ITGA5: variants seen among roughly 807,000 people sequenced by gnomAD.
ITGA5 encodes integrin alpha-5.
Under a neutral mutation model 146.3 loss-of-function variants are expected in ITGA5, and 55 were observed. That is an observed-to-expected ratio of 0.38 (90% CI 0.30 to 0.47). The LOEUF is 0.47. Ranked by LOEUF, ITGA5 falls within the 20% of genes least tolerant of loss-of-function variation. The pLI is 0.99. For missense variants in ITGA5, 1,131 were observed against 1,329.0 expected (o/e 0.85, Z 2.32); for synonymous variants, 500 against 531.8 (o/e 0.94, Z 0.82).
rs777032025 is a variant in ITGA5, at chr12:54,405,162, T to C, written c.1225+4A>G. 1 of 1,587,816 alleles carries C rather than the reference T, an allele frequency of 6.3e-7. No homozygotes were observed. The highest frequency in any genetic ancestry group is 8.6e-7 in the Non-Finnish European group (1 of 1,163,840). On this transcript the variant is annotated splice_donor_region_variant and intron_variant, in intron 12 of 29. Transcript: ENST00000293379. ...CTTTCACTCTCTGAGCCCATGGTAC[T>C]CACCATTGTAGCCATCCTGGTCCAG...
intron 1 of ITGA5, among the ~76,000 whole-genome samples, chr12:54,418,706 G>A (rs909202183): frequency 4.0e-5 from 6 of 150,866 alleles, no homozygotes; most frequent in Non-Finnish European, 4.4e-5. Context: ...TTGGCCCGGA[G>A]ACCCCTGCCC....
intron 27 of ITGA5, 123 bp from the exon 28 acceptor site, chr12:54,398,821 C>CAA: frequency 4.2e-6 from 2 of 476,926 alleles, no homozygotes; most frequent in Non-Finnish European, 7.2e-6. Context: ...CTGAGTCTCT[C>CAA]TCTCTCTCTC....
rs201887725 is a variant in ITGA5, at chr12:54,401,822, G to T, written c.2260C>A (p.Leu754Ile). ...WGGLRFTVPH[L>I]RDTKKTIQFD... ...TGGATGGTTTTCTTAGTGTCCCGGA[G>T]ATGAGGGACTGTAAACCGAAGGCCA... The change falls in exon 22 of 30, where the codon CTC (leucine) becomes ATC (isoleucine). Residue 754 changes from leucine (L) to isoleucine (I), a missense_variant. By Grantham distance (5) the Leu-to-Ile change is conservative. Coordinates refer to ENST00000293379, the MANE Select transcript of ITGA5 (RefSeq NM_002205.5). This position sits in a 1 kb window ranked among gnomAD's most constrained non-coding sequence, Gnocchi z 5.0. 1.3e-5 allele frequency: 21 copies of T among 1,614,032 alleles called. No homozygotes were observed. The African/African-American group carries it at 1.6e-4, about 12-fold the overall frequency.
chr12:54,409,058 G>T lies in ITGA5; in HGVS notation c.584-104C>A. On this transcript the variant is annotated intron_variant, in intron 4 of 29. Transcript: ENST00000293379. This position sits in a 1 kb window ranked among gnomAD's most constrained non-coding sequence, Gnocchi z 4.7. Reference sequence around the variant, plus strand: ...GGTGGGAGAGAGAACCAGAGAAAGGGCCTTCCTGGACCAGACAGTAAGCAT... The same window carrying T: ...GGTGGGAGAGAGAACCAGAGAAAGGTCCTTCCTGGACCAGACAGTAAGCAT... 1 of 1,418,762 alleles carries T rather than the reference G, an allele frequency of 7.0e-7. No individual in the cohort carries two copies. The highest frequency in any genetic ancestry group is 9.8e-7 in the Non-Finnish European group (1 of 1,015,356). The allele number at this position is 1,418,762 out of a possible 1,614,324, so 87.9% of individuals were successfully genotyped here. A position where few individuals can be genotyped will look rare whatever the true frequency, so the allele number is the denominator to read the frequency against.
At position 54,404,895 on chromosome 12, in the gene ITGA5, C is replaced by G; in HGVS notation, c.1226-1G>C. Reference sequence around the variant, plus strand: ...CCAAAGGGAGCCCCGATGGCCACATCTGGAAGACACAGAACACACACTAGT... The same window carrying G: ...CCAAAGGGAGCCCCGATGGCCACATGTGGAAGACACAGAACACACACTAGT... On this transcript the variant is annotated splice_acceptor_variant, in intron 12 of 29. Coordinates refer to ENST00000293379, the MANE Select transcript of ITGA5 (RefSeq NM_002205.5). LOFTEE classifies it high-confidence loss of function. 1 of 1,565,488 alleles carries G rather than the reference C, an allele frequency of 6.4e-7. No individual in the cohort carries two copies. The highest frequency in any genetic ancestry group is 8.6e-7 in the Non-Finnish European group (1 of 1,159,592).
intron 1 of ITGA5, among the ~76,000 whole-genome samples, chr12:54,417,092 T>TTGGGAGTCTCTTGGGAG (rs1417514396): frequency 1.3e-5 from 2 of 151,702 alleles, no homozygotes; most frequent in Admixed American, 1.3e-4. Flanking sequence ...GCTGGACACC[T>TTGGGAGTCTCTTGGGAG]GGGTTCTCTT....
chr12:54,405,268 T>C lies in ITGA5; in HGVS notation c.1123A>G (p.Ile375Val), dbSNP rs767394205. 7 of 1,613,980 alleles carry C rather than the reference T, an allele frequency of 4.3e-6. No homozygotes were observed. The highest frequency in any genetic ancestry group is 1.7e-4 in the Middle Eastern group (1 of 6,056). Reference protein sequence around the residue: ...VYVYLQHPAGIEPTPTLTLTG... With the variant: ...VYVYLQHPAGVEPTPTLTLTG... ...AGGGTAAGGGTGGGCGTGGGCTCTA[T>C]GCCGGCTGGGTGCTGCAGGTAGACG... Residue 375 changes from isoleucine to valine, a missense_variant, in exon 12 of 30, where the codon ATA becomes GTA. Around this residue, in one of 3 missense-constraint regions of ITGA5, gnomAD observed 889 missense variants for 1,021.5 expected, o/e 0.87. Coordinates refer to ENST00000293379, the MANE Select transcript of ITGA5 (RefSeq NM_002205.5).
In ITGA5 at chr12:54,397,415, T is replaced by C; in HGVS notation, c.3016A>G (p.Ile1006Val). 1 of 1,614,080 alleles carries C rather than the reference T, an allele frequency of 6.2e-7. No individual in the cohort carries two copies. Among genetic ancestry groups the C allele is most frequent in the Non-Finnish European group, 8.5e-7 (1 of 1,179,988 alleles). ...GVPLWIIILA[I>V]LFGLLLLGLL... ...CCTAGGAGCAGGAGGCCAAACAGGA[T>C]GGCTAGGATGATGATCCACAGTGGG... is the stretch of plus-strand genomic sequence containing the variant. The change falls in exon 29 of 30, where the codon ATC becomes GTC. Residue 1006 changes from isoleucine to valine, a missense_variant. Coordinates refer to ENST00000293379, the MANE Select transcript of ITGA5 (RefSeq NM_002205.5).
chr12:54,404,045 C>A, intron 15 of ITGA5, 79 bp from the exon 16 acceptor site: 2 of 1,575,046 alleles, frequency 1.3e-6, no homozygotes, highest in Non-Finnish European at 8.7e-7. Flanking sequence ...CCAGCCAGAC[C>A]CAGACTAGGA....
chr12:54,412,049 G>T, intron 1 of ITGA5, 85 bp from the exon 2 acceptor site: 1 of 1,087,466 alleles, frequency 9.2e-7, no homozygotes. Context: ...AGGCCTCTAG[G>T]CTGGGGCTGG....
At chr12:54,418,213 A>C in intron 1 of ITGA5, among the ~76,000 whole-genome samples, 1 of 145,698 alleles carries the variant, frequency 6.9e-6, no homozygotes. Context: ...ACCCCCCTTC[A>C]CGCGCGCACA....
rs1361243309 is a variant in ITGA5 at position 54,416,740 on chromosome 12, C to G, written c.218+2241G>C. ...AGGCTCCAAGAGCTTAAATACCTCT[C>G]CCTAGGTACTAGGGTACCACGCAAA... On this transcript the variant is annotated intron_variant, in intron 1 of 29. Transcript: ENST00000293379. This position sits in a 1 kb window ranked among gnomAD's most constrained non-coding sequence, Gnocchi z 4.1. 1.3e-5 allele frequency among the ~76,000 whole-genome samples: 2 copies of G among 152,244 alleles called. No individual in the cohort carries two copies. The highest frequency in any genetic ancestry group is 2.9e-5 in the Non-Finnish European group (2 of 68,044).
rs1391920482 is a variant in ITGA5, at chr12:54,399,874, G to C, written c.2717C>G (p.Pro906Arg). The change falls in exon 26 of 30, where the codon CCT (proline) becomes CGT (arginine). Residue 906 changes from proline to arginine, a missense_variant. Pro to Arg is a moderately radical substitution (Grantham distance 103, BLOSUM62 -2). This residue lies in a region of ITGA5 where 889 missense variants were observed against 1,021.5 expected (regional missense o/e 0.87). Transcript: ENST00000293379. ...APSRSSASSGPQILKCPEAEC... is the reference protein window; with the variant it reads ...APSRSSASSGRQILKCPEAEC... ...CCCTGCCTGACTTACCAGGATCTGA[G>C]GTCCCGAGGAAGCAGAGCTGCGGCT... 1.9e-6 allele frequency: 3 copies of C among 1,613,988 alleles called. No individual in the cohort carries two copies. Among genetic ancestry groups the C allele is most frequent in the Non-Finnish European group, 2.5e-6 (3 of 1,179,960 alleles).
Position 54,405,170 on chromosome 12 carries a change from G to A in ITGA5, c.1221C>T (p.Tyr407=). ...CTCTGAGCCCATGGTACTCACCATT[G>A]TAGCCATCCTGGTCCAGGTCCCCCA... The part of the protein sequence containing the change: ...TPLGDLDQDG[Y]NDVAIGAPFG... The change falls in exon 12 of 30, where the codon TAC becomes TAT. Residue 407 remains tyrosine (Y), a synonymous_variant. Transcript: ENST00000293379. 2 of 1,597,186 alleles carry A rather than the reference G, an allele frequency of 1.3e-6. No homozygotes were observed. The highest frequency in any genetic ancestry group is 8.6e-7 in the Non-Finnish European group (1 of 1,169,474).
At position 54,402,238 on chromosome 12, in the gene ITGA5, T is replaced by C; in HGVS notation, c.2075A>G (p.Glu692Gly). ...NVGEGGAYEA[E>G]LRVTAPPEAE... ...CTCTGGAGGGGCGGTGACCCGAAGC[T>C]CAGCCTCATAGGCGCCACCCTCACC... The change falls in exon 20 of 30, where the codon GAG (glutamate) becomes GGG (glycine). Residue 692 changes from glutamate (E) to glycine (G), a missense_variant. This residue lies in a region of ITGA5 where 889 missense variants were observed against 1,021.5 expected (regional missense o/e 0.87). Transcript: ENST00000293379. 6.2e-7 allele frequency: 1 copy of C among 1,614,074 alleles called. No homozygotes were observed. The highest frequency in any genetic ancestry group is 8.5e-7 in the Non-Finnish European group (1 of 1,180,010).
chr12:54,397,520 C>T, intron 28 of ITGA5, 33 bp from the exon 29 acceptor site: 2 of 1,612,304 alleles, frequency 1.2e-6, no homozygotes, highest in Non-Finnish European at 1.7e-6. Flanking sequence ...TCAATGAAAG[C>T]TCAGAAGTTC....
At chr12:54,398,430 T>C (rs1444474055) in intron 28 of ITGA5, among the ~76,000 whole-genome samples, 167 bp downstream of exon 28, 2 of 152,242 alleles carry the variant, frequency 1.3e-5, no homozygotes, top group Non-Finnish European at 2.9e-5. Flanking sequence ...AGATACCATG[T>C]TGATCTTGCT....
chr12:54,400,406 A>C (rs1018418200), intron 25 of ITGA5: 2 of 201,042 alleles, frequency 9.9e-6, no homozygotes, highest in African/African-American at 2.4e-5. Context: ...TTCTATGTCT[A>C]TCACCCTTCA....
At chr12:54,415,097 G>A (rs1955991413) in intron 1 of ITGA5, among the ~76,000 whole-genome samples, 1 of 152,274 alleles carries the variant, frequency 6.6e-6, no homozygotes, top group Middle Eastern at 3.4e-3. Flanking sequence ...GCGGTGAGCC[G>A]AGATTGCGCC....
Sources: allele counts gnomAD v4.1 joint callset (sites outside exome capture counted in the v4.1 genomes callset), GRCh38; gene constraint gnomAD v4.1.1; regional missense constraint gnomAD v4.1.1; non-coding constraint Gnocchi (gnomAD v3.1); transcripts MANE v1.5; gene names NCBI Gene and HGNC (gene_info 2026-07-23, HGNC 2026-07-21).